Variants in MARCHF1 observed in about 807,000 individuals in gnomAD.
MARCHF1 encodes E3 ubiquitin-protein ligase MARCHF1.
In MARCHF1, 40 loss-of-function variants were observed where a neutral mutation model predicts 54.2. That is an observed-to-expected ratio of 0.74 (90% CI 0.57 to 0.96). The LOEUF is 0.96. Ranked by LOEUF, MARCHF1 falls within the 40% of genes least tolerant of loss-of-function variation. MARCHF1 has a pLI of 0.00. For missense variants in MARCHF1, 586 were observed against 656.5 expected, an observed-to-expected ratio of 0.89 and a Z score of 1.17; for synonymous variants, 236 against 236.3, an observed-to-expected ratio of 1.00 and a Z score of 0.01.
intron 4 of MARCHF1, among the ~76,000 whole-genome samples, chr4:163,841,514 T>C (rs1309022799): frequency 1.3e-5 from 2 of 152,060 alleles, no homozygotes; most frequent in Non-Finnish European, 2.9e-5. Flanking sequence ...ACAGAAAATA[T>C]AGTTAATGAT....
At chr4:163,637,259 A>T (rs1480705624) in intron 5 of MARCHF1, among the ~76,000 whole-genome samples, 1 of 152,194 alleles carries the variant, frequency 6.6e-6, no homozygotes, top group Non-Finnish European at 1.5e-5. Flanking sequence ...ATCTCATTAA[A>T]CTAAAGAGCT....
rs1002217080 is a variant in MARCHF1 at position 163,734,483 on chromosome 4, C to T, written c.112-33620G>A. The stretch of plus-strand genomic sequence containing the variant: ...TTATTTATCAACAAAAATGAATGAA[C>T]GGCTGACACACAAAACAGCATCAAT... On this transcript the variant is annotated intron_variant, in intron 4 of 9. Coordinates refer to ENST00000514618, the MANE Select transcript of MARCHF1 (RefSeq NM_001394959.1). 5.3e-5 allele frequency among the ~76,000 whole-genome samples: 8 copies of T among 150,908 alleles called. No individual in the cohort carries two copies. In the East Asian group the frequency reaches 7.8e-4, roughly 15 times the overall value.
chr4:163,652,844 G>A (rs1230820894), intron 5 of MARCHF1, among the ~76,000 whole-genome samples: 2 of 151,778 alleles, frequency 1.3e-5, no homozygotes, highest in African/African-American at 4.8e-5. Flanking sequence ...AAGTCCAAAT[G>A]TGTTAATTCA....
At chr4:163,622,539 T>A (rs1454390977) in intron 5 of MARCHF1, among the ~76,000 whole-genome samples, 1 of 152,198 alleles carries the variant, frequency 6.6e-6, no homozygotes, top group Non-Finnish European at 1.5e-5. Flanking sequence ...CATGCTTTCC[T>A]TCCTTATATT....
intron 1 of MARCHF1, among the ~76,000 whole-genome samples, chr4:164,236,381 G>C (rs1487540909): frequency 3.9e-5 from 6 of 152,172 alleles, no homozygotes; most frequent in Admixed American, 2.6e-4. Context: ...CAGGACTCAT[G>C]CTTGTCCAAC....
chr4:164,373,079 C>A (rs955240865), intron 1 of MARCHF1, among the ~76,000 whole-genome samples: 1 of 152,008 alleles, frequency 6.6e-6, no homozygotes, highest in Non-Finnish European at 1.5e-5. Context: ...ATGGTATGAA[C>A]CCTTACTATT....
rs1055122118 is a variant in MARCHF1 at position 164,270,181 on chromosome 4, AC to A, written c.-323+113688del. On this transcript the variant is annotated intron_variant, in intron 1 of 9. Coordinates refer to ENST00000514618, the MANE Select transcript of MARCHF1 (RefSeq NM_001394959.1). Reference sequence around the variant, plus strand: ...GTCACACTAGCCTCCTTGTTGCTCCACAAAAACTCCAGCATTATCCTACTTC... The same window carrying A: ...GTCACACTAGCCTCCTTGTTGCTCCAAAAAACTCCAGCATTATCCTACTTC... 7.9e-5 allele frequency among the ~76,000 whole-genome samples: 12 copies of A among 152,150 alleles called. 1 individual carries two copies. Among genetic ancestry groups the A allele is most frequent in the Admixed American group, 7.2e-4 (11 of 15,266 alleles).
intron 3 of MARCHF1, among the ~76,000 whole-genome samples, chr4:163,987,710 T>C (rs1210036244): frequency 2.6e-5 from 4 of 152,210 alleles, no homozygotes; most frequent in Admixed American, 6.5e-5. Flanking sequence ...AGCTCCCTTT[T>C]AGGGGAACAC....
chr4:163,634,276 G>A (rs185302485), intron 5 of MARCHF1, among the ~76,000 whole-genome samples: 9,419 of 150,604 alleles, frequency 0.063, 378 homozygotes, highest in East Asian at 0.17. Context: ...TGGACTAAAT[G>A]CTCCAATTAA....
intron 1 of MARCHF1, among the ~76,000 whole-genome samples, chr4:164,220,233 CAT>C (rs1318033908): frequency 6.7e-6 from 1 of 148,424 alleles, no homozygotes; most frequent in Non-Finnish European, 1.5e-5. Flanking sequence ...TACACACATA[CAT>C]ATATATACAC....
rs192710324 is a variant in MARCHF1, at chr4:164,081,345, A to C, written c.-248+30243T>G. On this transcript the variant is annotated intron_variant, in intron 2 of 9. Transcript: ENST00000514618. ...TCAGCAGATCTTGTTCATTGGTTCT[A>C]TTTCAACTTGCTATGGGAAATAATA... Among the ~76,000 whole-genome samples, 3 of 151,092 alleles carry C rather than the reference A, an allele frequency of 2.0e-5. No individual in the cohort carries two copies. The East Asian group carries it at 5.9e-4, about 30-fold the overall frequency.
intron 3 of MARCHF1, among the ~76,000 whole-genome samples, chr4:163,856,134 G>A (rs1749762121): frequency 6.6e-6 from 1 of 152,020 alleles, no homozygotes; most frequent in East Asian, 1.9e-4. Flanking sequence ...TTTTCGAACT[G>A]TTTTGCTGGA....
chr4:164,114,224 T>C (rs1755893874), intron 1 of MARCHF1, among the ~76,000 whole-genome samples: 1 of 152,004 alleles, frequency 6.6e-6, no homozygotes, highest in Admixed American at 6.6e-5. Context: ...ACTAATCTAT[T>C]GTTATATGTA....
At chr4:163,779,918 T>G (rs1185012943) in intron 4 of MARCHF1, among the ~76,000 whole-genome samples, 2 of 152,158 alleles carry the variant, frequency 1.3e-5, no homozygotes, top group Non-Finnish European at 2.9e-5. Flanking sequence ...CAGCACTTTG[T>G]GTTGTTGGCA....
At chr4:164,270,469 T>C (rs1251553929) in intron 1 of MARCHF1, among the ~76,000 whole-genome samples, 1 of 152,218 alleles carries the variant, frequency 6.6e-6, no homozygotes, top group Non-Finnish European at 1.5e-5. Context: ...TGTTAAGTTC[T>C]GTAATGTCAG....
At chr4:163,983,811 T>C (rs1487443469) in intron 3 of MARCHF1, among the ~76,000 whole-genome samples, 1 of 152,138 alleles carries the variant, frequency 6.6e-6, no homozygotes, top group Non-Finnish European at 1.5e-5. Flanking sequence ...CCAACTTTGC[T>C]TAAGTAATGT....
chr4:163,933,070 C>G, intron 3 of MARCHF1: 3 of 1,475,780 alleles, frequency 2.0e-6, no homozygotes, highest in Non-Finnish European at 2.8e-6. Flanking sequence ...CTTAATAACC[C>G]AGAGCTTGCC....
intron 2 of MARCHF1, among the ~76,000 whole-genome samples, chr4:164,068,970 G>A (rs985424139): frequency 6.6e-6 from 1 of 152,088 alleles, no homozygotes; most frequent in Non-Finnish European, 1.5e-5. Context: ...TCGGCACTCT[G>A]TATCTAGTTA....
At chr4:163,828,734 C>T (rs972612049) in intron 4 of MARCHF1, 1 of 152,114 alleles carries the variant, frequency 6.6e-6, no homozygotes, top group Non-Finnish European at 1.5e-5. Flanking sequence ...TAAATTTCTT[C>T]GTCAACCCTG....
Sources: allele counts gnomAD v4.1 joint callset (sites outside exome capture counted in the v4.1 genomes callset), GRCh38; gene constraint gnomAD v4.1.1; transcripts MANE v1.5; gene names NCBI Gene and HGNC (gene_info 2026-07-23, HGNC 2026-07-21).